ASTN2: variants seen among roughly 807,000 people sequenced by gnomAD.
ASTN2 encodes astrotactin-2.
In ASTN2, 54 loss-of-function variants were observed where a neutral mutation model predicts 139.8. That is an observed-to-expected ratio of 0.39 (90% confidence interval 0.31 to 0.48). The LOEUF (loss-of-function observed/expected upper bound fraction) is 0.48. Among genes scored for constraint, ASTN2 ranks in the 20% least tolerant of loss-of-function variants. The probability of loss-of-function intolerance (pLI) is 0.95; values close to 1 mark genes in which losing one functional copy is unlikely to be tolerated. For missense variants in ASTN2, 1,565 were observed against 1,725.1 expected, an observed-to-expected ratio of 0.91 and a Z score of 1.64; for synonymous variants, 756 against 719.5, an observed-to-expected ratio of 1.05 and a Z score of -0.81.
chr9:116,939,252 A>C (rs1229183243), intron 10 of ASTN2, among the ~76,000 whole-genome samples: 2 of 152,188 alleles, frequency 1.3e-5, no homozygotes, highest in African/African-American at 4.8e-5. Context: ...GCTAGCTATT[A>C]GTAGTAGTAG....
At chr9:117,278,837 A>G (rs16934449) in intron 2 of ASTN2, among the ~76,000 whole-genome samples, 9,737 of 152,182 alleles carry the variant, frequency 0.064, 1,091 homozygotes, top group African/African-American at 0.22. Context: ...CTACAGCGTG[A>G]GTGGCTCCCT....
intron 10 of ASTN2, among the ~76,000 whole-genome samples, chr9:116,955,918 G>A (rs1393201516): frequency 6.6e-6 from 1 of 152,020 alleles, no homozygotes; most frequent in Non-Finnish European, 1.5e-5. Flanking sequence ...AACTAAACAA[G>A]AAACTACAGT....
chr9:116,719,349 C>G (rs1828410959), intron 16 of ASTN2, among the ~76,000 whole-genome samples: 1 of 152,012 alleles, frequency 6.6e-6, no homozygotes, highest in South Asian at 2.1e-4. Flanking sequence ...CTCCCACCAC[C>G]ACAGACAAAT....
intron 5 of ASTN2, among the ~76,000 whole-genome samples, chr9:117,076,860 T>A (rs1053919745): frequency 6.6e-6 from 1 of 152,192 alleles, no homozygotes; most frequent in African/African-American, 2.4e-5. Context: ...GCCTCTATAT[T>A]TTTTTCCTTT....
At chr9:117,174,459 T>G (rs1830870601) in intron 3 of ASTN2, among the ~76,000 whole-genome samples, 1 of 151,986 alleles carries the variant, frequency 6.6e-6, no homozygotes, top group African/African-American at 2.4e-5. Context: ...CAAATAGACT[T>G]AAGCATAAAT....
At position 116,609,283 on chromosome 9, in the gene ASTN2, G is replaced by A. The variant is rs919168989; in HGVS notation, c.3355+9041C>T. Among the ~76,000 whole-genome samples the A allele has an allele frequency of 3.5e-5, 5 of 144,870 alleles. No individual in the cohort carries two copies. The East Asian group carries it at 6.1e-4, about 18-fold the overall frequency. On this transcript the variant is annotated intron_variant, in intron 19 of 22. Transcript: ENST00000313400. The stretch of plus-strand genomic sequence containing the variant: ...TAATAAAGAGAAAAGCTTAGAATCA[G>A]TCAGAAAAAAGGATCTCTCTCTCTC...
At chr9:116,917,368 C>A (rs559012974) in intron 10 of ASTN2, among the ~76,000 whole-genome samples, 2 of 151,904 alleles carry the variant, frequency 1.3e-5, no homozygotes, top group South Asian at 4.1e-4. Flanking sequence ...TCTAAGAGGG[C>A]AGGGTCCATG....
chr9:116,596,971 C>T (rs1318382049), intron 19 of ASTN2, among the ~76,000 whole-genome samples: 1 of 152,156 alleles, frequency 6.6e-6, no homozygotes, highest in Non-Finnish European at 1.5e-5. Context: ...GTTGTTACTG[C>T]TCTCACGTGT....
intron 4 of ASTN2, among the ~76,000 whole-genome samples, chr9:117,113,253 A>G (rs916756207): frequency 4.6e-5 from 7 of 152,224 alleles, no homozygotes; most frequent in Admixed American, 1.3e-4. Context: ...AAACAAAACC[A>G]TATATGTTCA....
chr9:116,824,715 A>G (rs1397439907), intron 11 of ASTN2, among the ~76,000 whole-genome samples: 2 of 152,230 alleles, frequency 1.3e-5, no homozygotes, highest in Non-Finnish European at 2.9e-5. Context: ...TTTTGAGATA[A>G]TTTGTTACAC....
At chr9:116,560,970 G>A (rs62574423) in intron 19 of ASTN2, among the ~76,000 whole-genome samples, 24,129 of 152,158 alleles carry the variant, frequency 0.16, 2,080 homozygotes, top group African/African-American at 0.21. Context: ...ATGTACATGT[G>A]TTGTTATGCT....
chr9:117,110,318 C>A (rs1829219214), intron 4 of ASTN2, among the ~76,000 whole-genome samples: 1 of 152,074 alleles, frequency 6.6e-6, no homozygotes, highest in African/African-American at 2.4e-5. Flanking sequence ...ATAAGGGACC[C>A]ATCCTAGACA....
intron 13 of ASTN2, among the ~76,000 whole-genome samples, chr9:116,767,924 C>G (rs748435819): frequency 2.0e-5 from 3 of 152,134 alleles, no homozygotes; most frequent in Non-Finnish European, 2.9e-5. Context: ...CCATAAGCAA[C>G]CCATGCAACT....
chr9:117,242,351 A>G (rs1833240561), intron 2 of ASTN2, among the ~76,000 whole-genome samples: 2 of 152,096 alleles, frequency 1.3e-5, no homozygotes, highest in African/African-American at 4.8e-5. Flanking sequence ...GGTGGATATA[A>G]TTGAGTTTCT....
chr9:116,561,495 T>C (rs1198231305), intron 19 of ASTN2, among the ~76,000 whole-genome samples: 1 of 152,070 alleles, frequency 6.6e-6, no homozygotes, highest in African/African-American at 2.4e-5. Context: ...AGAAAAGCCA[T>C]TCCAAATCAA....
At chr9:117,120,332 C>T (rs1453285421) in intron 4 of ASTN2, among the ~76,000 whole-genome samples, 3 of 152,016 alleles carry the variant, frequency 2.0e-5, no homozygotes, top group Non-Finnish European at 4.4e-5. Flanking sequence ...AGTTTTCAGA[C>T]TTGTATTCAC....
At chr9:116,600,286 T>C (rs1316684967) in intron 19 of ASTN2, among the ~76,000 whole-genome samples, 2 of 138,686 alleles carry the variant, frequency 1.4e-5, no homozygotes, top group African/African-American at 2.8e-5. Flanking sequence ...ATTGGGCCCC[T>C]GCACTCCAGC....
At chr9:117,108,113 G>A (rs1355860681) in intron 4 of ASTN2, among the ~76,000 whole-genome samples, 1 of 152,154 alleles carries the variant, frequency 6.6e-6, no homozygotes, top group Non-Finnish European at 1.5e-5. Flanking sequence ...TGATATCCAT[G>A]TGTTAAATAT....
intron 1 of ASTN2, among the ~76,000 whole-genome samples, chr9:117,410,999 C>T (rs1831142170): frequency 6.6e-6 from 1 of 152,194 alleles, no homozygotes; most frequent in South Asian, 2.1e-4. Flanking sequence ...GCACCATAAC[C>T]TGCATAAACT....
Sources: allele counts gnomAD v4.1 joint callset (sites outside exome capture counted in the v4.1 genomes callset), GRCh38; gene constraint gnomAD v4.1.1; transcripts MANE v1.5; gene names NCBI Gene and HGNC (gene_info 2026-07-23, HGNC 2026-07-21).